Variants in MLIP observed in about 807,000 individuals in gnomAD.
MLIP encodes muscular LMNA interacting protein, also known as muscular LMNA-interacting protein.
A neutral mutation model predicts 84.8 loss-of-function variants in MLIP; 79 were observed. The observed-to-expected ratio is 0.93, with a 90% CI of 0.78 to 1.12. The LOEUF is 1.12. Among genes scored for constraint, MLIP ranks in the 50% most tolerant of loss-of-function variants. The pLI is 0.00. For synonymous variants in MLIP, 504 were observed against 463.0 expected (o/e 1.09, Z -1.14); for missense variants, 1,257 against 1,160.6 (o/e 1.08, Z -1.21).
At chr6:54,027,450 T>C (rs1375318974) in intron 1 of MLIP, among the ~76,000 whole-genome samples, 1 of 151,872 alleles carries the variant, frequency 6.6e-6, no homozygotes, top group Non-Finnish European at 1.5e-5. Context: ...GTGTTAAATG[T>C]TATTTTAAAA....
At chr6:54,025,877 A>G (rs1372443118) in intron 1 of MLIP, among the ~76,000 whole-genome samples, 1 of 152,204 alleles carries the variant, frequency 6.6e-6, no homozygotes, top group East Asian at 1.9e-4. Context: ...CTACGTCTCC[A>G]CTTGGCACAT....
chr6:54,123,488 A>G (rs1770645641), intron 2 of MLIP, among the ~76,000 whole-genome samples: 1 of 152,228 alleles, frequency 6.6e-6, no homozygotes, highest in African/African-American at 2.4e-5. Flanking sequence ...TATCCTCATT[A>G]TCAGCTGAAT....
chr6:54,230,208 A>G (rs192144896), intron 11 of MLIP, among the ~76,000 whole-genome samples: 52 of 152,098 alleles, frequency 3.4e-4, no homozygotes, highest in African/African-American at 1.2e-3. Flanking sequence ...GACAAACTCA[A>G]CTCCGAAACT....
chr6:54,255,577 A>G (rs571219503), intron 12 of MLIP, among the ~76,000 whole-genome samples: 15 of 152,294 alleles, frequency 9.8e-5, no homozygotes, highest in Admixed American at 5.2e-4. Context: ...AGGATTACCA[A>G]TTCATTAGGA....
chr6:54,207,880 C>T lies in MLIP; in HGVS notation c.2718+5647C>T, dbSNP rs570245476. Among the ~76,000 whole-genome samples the T allele has an allele frequency of 7.2e-5, 11 of 152,290 alleles. No individual in the cohort carries two copies. In the South Asian group the frequency reaches 2.1e-3, roughly 29 times the overall value. The stretch of plus-strand genomic sequence containing the variant: ...AAAATAGGTCTTTGTAATCCCAGCA[C>T]TTTGGGAGGCCGAGGTGGGCGGATC... On this transcript the variant is annotated intron_variant, in intron 11 of 13. Coordinates refer to ENST00000502396, the MANE Select transcript of MLIP (RefSeq NM_001281747.2).
In MLIP at chr6:54,252,397, TATATA is replaced by T. The variant is rs1274554717; in HGVS notation, c.2923-4904_2923-4900del. ...AACTATAATATATTATAACATATAA[TATATA>T]ATATAACTATAGTATATTATAACAT... On this transcript the variant is annotated intron_variant, in intron 12 of 13. Transcript: ENST00000502396. Among the ~76,000 whole-genome samples the T allele has an allele frequency of 1.6e-3, 165 of 102,378 alleles. 1 individual carries two copies. The highest frequency in any genetic ancestry group is 2.4e-3 in the Non-Finnish European group (129 of 53,718). The allele number at this position is 102,378 out of a possible 152,430, so 67.2% of individuals were successfully genotyped here.
chr6:54,154,077 A>C (rs912623718), intron 5 of MLIP, among the ~76,000 whole-genome samples: 5 of 152,074 alleles, frequency 3.3e-5, no homozygotes, highest in African/African-American at 1.2e-4. Context: ...AAAATTATCA[A>C]ATTGTATTTA....
chr6:54,234,766 T>G (rs1781252176), intron 12 of MLIP, among the ~76,000 whole-genome samples: 1 of 152,194 alleles, frequency 6.6e-6, no homozygotes. Context: ...CTCTCCTCAC[T>G]CTGCTCTTGG....
intron 4 of MLIP, among the ~76,000 whole-genome samples, chr6:54,148,421 CTG>C: frequency 6.6e-6 from 1 of 152,264 alleles, no homozygotes; most frequent in South Asian, 2.1e-4. Context: ...ATTAACATAA[CTG>C]TTAGAAGGTG....
chr6:54,224,486 C>T (rs183986029), intron 11 of MLIP, among the ~76,000 whole-genome samples: 2 of 151,976 alleles, frequency 1.3e-5, no homozygotes, highest in South Asian at 2.1e-4. Flanking sequence ...CAGGGAAATT[C>T]GAACAATCTT....
upstream of MLIP, among the ~76,000 whole-genome samples, chr6:54,109,085 CA>C (rs998055139): frequency 1.7e-4 from 26 of 148,988 alleles, no homozygotes; most frequent in Admixed American, 1.3e-3. Flanking sequence ...ATCAAAACAC[CA>C]AAGGGTAGTA....
chr6:54,084,685 G>A (rs1360621050), intron 1 of MLIP, among the ~76,000 whole-genome samples: 1 of 152,110 alleles, frequency 6.6e-6, no homozygotes, highest in Admixed American at 6.6e-5. Flanking sequence ...CCTCAAATAG[G>A]GAAGATTAGT....
intron 12 of MLIP, among the ~76,000 whole-genome samples, chr6:54,252,567 CATG>C (rs1782712925): frequency 1.4e-5 from 2 of 145,436 alleles, no homozygotes; most frequent in South Asian, 4.3e-4. Context: ...AACATATTAT[CATG>C]ATATGTATAT....
intron 1 of MLIP, among the ~76,000 whole-genome samples, chr6:54,098,148 C>CTTT (rs5876357): frequency 4.9e-4 from 61 of 123,792 alleles, no homozygotes; most frequent in African/African-American, 9.9e-4. Flanking sequence ...ATTTTTCTTT[C>CTTT]TTTTTTTTTT....
intron 11 of MLIP, among the ~76,000 whole-genome samples, chr6:54,213,106 G>T (rs1008383229): frequency 6.6e-6 from 1 of 152,098 alleles, no homozygotes; most frequent in Admixed American, 6.6e-5. Context: ...AAAGACTCTG[G>T]GTTAATCCTT....
At chr6:54,157,346 C>T (rs1774135434) in intron 5 of MLIP, among the ~76,000 whole-genome samples, 1 of 152,136 alleles carries the variant, frequency 6.6e-6, no homozygotes, top group African/African-American at 2.4e-5. Flanking sequence ...GGCCTAATTG[C>T]AAGTTCCCCT....
chr6:54,246,130 G>A (rs1216419710), intron 12 of MLIP, among the ~76,000 whole-genome samples: 1 of 151,974 alleles, frequency 6.6e-6, no homozygotes, highest in Non-Finnish European at 1.5e-5. Context: ...TCTCTTTTGG[G>A]GAACAAGAAT....
chr6:54,083,639 T>C (rs1767306796), intron 1 of MLIP: 4 of 1,535,252 alleles, frequency 2.6e-6, no homozygotes, highest in Admixed American at 3.9e-5. Context: ...ACATTATTAG[T>C]ACAATTCCTT....
Position 54,230,784 on chromosome 6 carries a change from A to G in MLIP, c.2789A>G (p.Lys930Arg), listed in dbSNP as rs1780941310. ...CAGACTAAACTCTATCCTCCTGCTA[A>G]GTCACTGCTGCATCCACAGACCCTC... ...LYQTKLYPPA[K>R]SLLHPQTLSH... Residue 930 changes from lysine (K) to arginine (R), a missense_variant, in exon 12 of 14, where the codon AAG (lysine) becomes AGG (arginine). By Grantham distance (26) the Lys-to-Arg change is conservative. Transcript: ENST00000502396. 6.2e-7 allele frequency: 1 copy of G among 1,613,924 alleles called. No individual in the cohort carries two copies. Among genetic ancestry groups the G allele is most frequent in the Non-Finnish European group, 8.5e-7 (1 of 1,179,982 alleles).
Sources: gnomAD v4.1 joint callset for allele counts (sites outside exome capture counted in the v4.1 genomes callset) on GRCh38, gnomAD v4.1.1 for gene constraint, MANE v1.5 for transcripts, NCBI Gene and HGNC (gene_info 2026-07-23, HGNC 2026-07-21) for gene names.